ADAMTS17: variants seen among roughly 807,000 people sequenced by gnomAD.
ADAMTS17 encodes A disintegrin and metalloproteinase with thrombospondin motifs 17.
ADAMTS17 carries 113 observed loss-of-function variants against 141.5 expected under a neutral mutation model. The ratio of observed to expected loss-of-function variants is 0.80; its 90% CI spans 0.69 to 0.93. ADAMTS17 has a LOEUF of 0.93. Among genes scored for constraint, ADAMTS17 ranks in the 40% least tolerant of loss-of-function variants. The probability of loss-of-function intolerance (pLI) is 0.00; values close to 1 mark genes in which losing one functional copy is unlikely to be tolerated. For missense variants in ADAMTS17, 1,659 were observed against 1,517.9 expected (o/e 1.09, Z -1.54); for synonymous variants, 768 against 630.6 (o/e 1.22, Z -3.27).
chr15:100,333,135 T>A (rs1380790737), intron 2 of ADAMTS17, among the ~76,000 whole-genome samples: 1 of 152,138 alleles, frequency 6.6e-6, no homozygotes, highest in Non-Finnish European at 1.5e-5. Flanking sequence ...CTTCCCTAAA[T>A]AAACCCCCTT....
intron 15 of ADAMTS17, chr15:100,074,338 TAG>T (rs1164573536): frequency 2.0e-5 from 3 of 152,144 alleles, no homozygotes; most frequent in Non-Finnish European, 2.9e-5. Context: ...TACGGTTATA[TAG>T]AGTGTATAAT....
At chr15:100,252,171 G>A (rs1383298712) in intron 7 of ADAMTS17, among the ~76,000 whole-genome samples, 1 of 152,168 alleles carries the variant, frequency 6.6e-6, no homozygotes, top group Non-Finnish European at 1.5e-5. Flanking sequence ...AAAAGAGAAA[G>A]CTTTTATATA....
Position 100,195,884 on chromosome 15 carries a change from A to G in ADAMTS17, c.1181+3434T>C, listed in dbSNP as rs143457360. ...GGCCTATTGCAGCATGTATAATCAT[A>G]TAAGTGATCCCAAATCATATTAAGT... On this transcript the variant is annotated intron_variant, in intron 8 of 21. Transcript: ENST00000268070. Among the ~76,000 whole-genome samples the G allele has an allele frequency of 4.7e-3, 716 of 152,344 alleles. 7 individuals carry two copies. The highest frequency in any genetic ancestry group is 0.016 in the African/African-American group (663 of 41,586).
At chr15:100,143,490 T>A (rs1379663428) in intron 10 of ADAMTS17, among the ~76,000 whole-genome samples, 1 of 152,248 alleles carries the variant, frequency 6.6e-6, no homozygotes, top group Non-Finnish European at 1.5e-5. Flanking sequence ...TAACTTTATG[T>A]TTGGACTTTC....
chr15:100,050,118 C>T (rs1475137097), intron 17 of ADAMTS17, among the ~76,000 whole-genome samples: 1 of 152,194 alleles, frequency 6.6e-6, no homozygotes, highest in African/African-American at 2.4e-5. Flanking sequence ...GTTGCTGCTG[C>T]CCCACATGGC....
chr15:100,119,375 C>G (rs549563128), intron 12 of ADAMTS17, among the ~76,000 whole-genome samples: 1 of 152,214 alleles, frequency 6.6e-6, no homozygotes, highest in South Asian at 2.1e-4. Context: ...TCATGAGGAA[C>G]AAAACACGGA....
chr15:100,211,925 T>G (rs942242267), intron 7 of ADAMTS17, among the ~76,000 whole-genome samples: 5 of 152,148 alleles, frequency 3.3e-5, no homozygotes, highest in African/African-American at 1.2e-4. Context: ...AGGAAGTAAT[T>G]TGACCCACTG....
chr15:99,977,393 TATATATAA>T (rs1193606868), intron 20 of ADAMTS17, among the ~76,000 whole-genome samples: 375 of 8,694 alleles, frequency 0.043, 30 homozygotes, highest in African/African-American at 0.053. Context: ...TATATATATA[TATATATAA>T]TTTTTTTTTT....
intron 15 of ADAMTS17, among the ~76,000 whole-genome samples, chr15:100,090,930 C>A (rs1228935860): frequency 1.3e-5 from 2 of 148,528 alleles, no homozygotes; most frequent in East Asian, 4.1e-4. Flanking sequence ...ATAGCTTGAA[C>A]CCGGGAGGCG....
At chr15:100,118,512 C>T (rs1262511841) in intron 12 of ADAMTS17, among the ~76,000 whole-genome samples, 1 of 152,296 alleles carries the variant, frequency 6.6e-6, no homozygotes, top group African/African-American at 2.4e-5. Flanking sequence ...AATGGCTAAC[C>T]CTCTAGAAGG....
chr15:100,268,176 C>T (rs903589023), intron 4 of ADAMTS17, among the ~76,000 whole-genome samples: 2 of 152,142 alleles, frequency 1.3e-5, no homozygotes, highest in East Asian at 3.8e-4. Context: ...ATATGTACCA[C>T]ATTTTCTTTT....
At chr15:99,989,422 A>C (rs1465555745) in intron 20 of ADAMTS17, among the ~76,000 whole-genome samples, 3 of 152,204 alleles carry the variant, frequency 2.0e-5, no homozygotes, top group African/African-American at 7.2e-5. Flanking sequence ...GACCCTTCCA[A>C]TTCCCTGATG....
chr15:100,123,599 C>T (rs1006465860), intron 12 of ADAMTS17, among the ~76,000 whole-genome samples: 4 of 152,234 alleles, frequency 2.6e-5, no homozygotes, highest in Non-Finnish European at 4.4e-5. Flanking sequence ...AAACAGTGAT[C>T]ATAAAACAGC....
At chr15:100,189,393 TTTA>T (rs1452607072) in intron 8 of ADAMTS17, among the ~76,000 whole-genome samples, 3 of 152,236 alleles carry the variant, frequency 2.0e-5, no homozygotes, top group Admixed American at 2.0e-4. Flanking sequence ...TGCCTTTTTC[TTTA>T]TAACTCTCCT....
At chr15:100,073,084 C>G (rs2034100284) in intron 15 of ADAMTS17, among the ~76,000 whole-genome samples, 1 of 152,136 alleles carries the variant, frequency 6.6e-6, no homozygotes, top group Admixed American at 6.5e-5. Flanking sequence ...CAAACAGCCC[C>G]ATCAAAAAGT....
At chr15:100,231,468 C>T (rs1208478819) in intron 7 of ADAMTS17, among the ~76,000 whole-genome samples, 10 of 152,174 alleles carry the variant, frequency 6.6e-5, no homozygotes, top group Non-Finnish European at 1.3e-4. Flanking sequence ...ACCTCCCATT[C>T]GCTGGCCTGA....
intron 7 of ADAMTS17, among the ~76,000 whole-genome samples, chr15:100,218,858 C>T (rs961522491): frequency 4.6e-5 from 7 of 151,952 alleles, no homozygotes; most frequent in African/African-American, 9.7e-5. Context: ...CAAGTAAACA[C>T]GCACACGTCC....
At chr15:100,152,810 T>A in intron 9 of ADAMTS17, 48 bp from the exon 10 acceptor site, 8 of 1,596,956 alleles carry the variant, frequency 5.0e-6, no homozygotes, top group Non-Finnish European at 6.8e-6. Context: ...CTGCCTAGGT[T>A]TTTTTGTTTT....
chr15:100,103,728 A>T (rs1251441902), intron 14 of ADAMTS17, among the ~76,000 whole-genome samples: 1 of 152,080 alleles, frequency 6.6e-6, no homozygotes, highest in African/African-American at 2.4e-5. Context: ...GGCATGCACT[A>T]CCATGCCCGG....
Sources: gnomAD v4.1 joint callset for allele counts (sites outside exome capture counted in the v4.1 genomes callset) on GRCh38, gnomAD v4.1.1 for gene constraint, MANE v1.5 for transcripts, NCBI Gene and HGNC (gene_info 2026-07-23, HGNC 2026-07-21) for gene names.